The following MSANTD2 variants were observed in gnomAD, a reference collection of about 807,000 sequenced individuals.
MSANTD2 encodes Myb/SANT DNA binding domain containing 2, also known as myb/SANT-like DNA-binding domain-containing protein 2.
MSANTD2 carries 19 observed loss-of-function variants against 52.6 expected under a neutral mutation model. That is an observed-to-expected ratio of 0.36 (90% CI 0.25 to 0.53). The LOEUF (loss-of-function observed/expected upper bound fraction) is 0.53, where lower values mean the gene tolerates loss of function less well. Among genes scored for constraint, MSANTD2 ranks in the 20% least tolerant of loss-of-function variants. The pLI is 0.91. For synonymous variants in MSANTD2, 291 were observed against 289.7 expected, an observed-to-expected ratio of 1.00 and a Z score of -0.04; for missense variants, 558 against 716.3, an observed-to-expected ratio of 0.78 and a Z score of 2.52.
chr11:124,767,600 C>A lies in MSANTD2; in HGVS notation c.1256G>T (p.Ser419Ile). ...ATAGCCAATGGCATAAAGGCCTGGG[C>A]TTTTAGGAATACCCCCAGGCAATAA... is the stretch of plus-strand genomic sequence containing the variant. Reference protein sequence around the residue: ...QYLLPGGIPKSPGLYAIGYEE... With the variant: ...QYLLPGGIPKIPGLYAIGYEE... Residue 419 changes from serine (S) to isoleucine (I), a missense_variant, in exon 4 of 4, where the codon AGC (serine) becomes ATC (isoleucine). Ser to Ile is a moderately radical substitution (Grantham distance 142, BLOSUM62 -2). This residue lies in a region of MSANTD2 where 408 missense variants were observed against 573.6 expected (regional missense o/e 0.71). Transcript: ENST00000374979. The surrounding 1 kb of genome is among the most constrained non-coding windows in gnomAD (Gnocchi z 6.5). The A allele has an allele frequency of 6.2e-7, 1 of 1,614,152 alleles. No individual in the cohort carries two copies.
chr11:124,783,211 T>C (rs994314261), intron 1 of MSANTD2, among the ~76,000 whole-genome samples: 2 of 152,212 alleles, frequency 1.3e-5, no homozygotes, highest in African/African-American at 2.4e-5. Flanking sequence ...TGTCCAGGAC[T>C]GAATCCTATC....
At chr11:124,798,595 A>G (rs554142660) in intron 1 of MSANTD2, among the ~76,000 whole-genome samples, 2 of 152,284 alleles carry the variant, frequency 1.3e-5, no homozygotes, top group African/African-American at 4.8e-5. Flanking sequence ...TAGGTTTTAA[A>G]TATCTTAGTT....
In MSANTD2 at chr11:124,767,668, G is replaced by C; in HGVS notation, c.1188C>G (p.Pro396=). The change falls in exon 4 of 4, where the codon CCC becomes CCG. Residue 396 remains proline (P), a synonymous_variant. Transcript: ENST00000374979. This position sits in a 1 kb window ranked among gnomAD's most constrained non-coding sequence, Gnocchi z 6.5. ...LELHMEIDWI[P]IAHSKPTGGN... ...CACCAGTTGGTTTGGAGTGGGCAATGGGTATCCAGTCAATTTCCATGTGCA... is the reference window on the plus strand; with the variant it reads ...CACCAGTTGGTTTGGAGTGGGCAATCGGTATCCAGTCAATTTCCATGTGCA... 6.2e-7 allele frequency: 1 copy of C among 1,614,226 alleles called. No individual in the cohort carries two copies.
chr11:124,798,234 TAAAAAAA>T (rs10601418), intron 1 of MSANTD2, among the ~76,000 whole-genome samples: 24 of 110,504 alleles, frequency 2.2e-4, no homozygotes, highest in East Asian at 1.6e-3. Context: ...CCCTGTCTCT[TAAAAAAA>T]AAAAAAAAAA....
At position 124,784,410 on chromosome 11, in the gene MSANTD2, T is replaced by C. The variant is rs144854207; in HGVS notation, c.511-9436A>G. The C allele has an allele frequency of 2.0e-4, 195 of 985,388 alleles. No individual in the cohort carries two copies. In the African/African-American group the frequency reaches 3.2e-3, roughly 16 times the overall value. The allele number at this position is 985,388 out of a possible 1,614,324, so 61.0% of individuals were successfully genotyped here. On this transcript the variant is annotated intron_variant, in intron 1 of 3. Coordinates refer to ENST00000374979, the MANE Select transcript of MSANTD2 (RefSeq NM_001308027.2). ...CTGGCATAGCAGGGGAGAACCAGTC[T>C]TCGTTAAAGTACTCCCAAACACCCT... is the stretch of plus-strand genomic sequence containing the variant.
intron 1 of MSANTD2, among the ~76,000 whole-genome samples, chr11:124,785,834 T>C (rs1271431816): frequency 2.6e-5 from 4 of 151,308 alleles, no homozygotes; most frequent in Admixed American, 6.6e-5. Flanking sequence ...ACCCCTATTT[T>C]ACAGACAAGA....
intron 3 of MSANTD2, among the ~76,000 whole-genome samples, chr11:124,770,643 T>C (rs1944481272): frequency 6.6e-6 from 1 of 152,032 alleles, no homozygotes; most frequent in Admixed American, 6.5e-5. Flanking sequence ...TCTTACTCTG[T>C]TATCCAGGCT....
chr11:124,791,255 C>A, intron 1 of MSANTD2: 1 of 1,444,420 alleles, frequency 6.9e-7, no homozygotes, highest in African/African-American at 1.4e-5. Context: ...ACAAGCAAAC[C>A]TGGAGTATCC....
Position 124,766,884 on chromosome 11 carries a change from T to C in MSANTD2, c.*292A>G, listed in dbSNP as rs1944318366. The C allele has an allele frequency of 7.3e-6, 2 of 273,048 alleles. No individual in the cohort carries two copies. The highest frequency in any genetic ancestry group is 9.5e-5 in the Admixed American group (2 of 21,030). 16.9% of individuals were successfully genotyped at this position (273,048 alleles called of 1,614,324 possible). A position where few individuals can be genotyped will look rare whatever the true frequency, so the allele number is the denominator to read the frequency against. ...GGAATGTACCTACATTTGTTTATAT[T>C]AGGGCTCTAAAATCCATTTAAAAAT... On this transcript the variant is annotated 3_prime_UTR_variant, in exon 4 of 4. Transcript: ENST00000374979.
intron 1 of MSANTD2, chr11:124,791,509 G>A: frequency 1.8e-6 from 2 of 1,103,168 alleles, no homozygotes; most frequent in Non-Finnish European, 2.7e-6. Context: ...GGCAAGAGTT[G>A]GAGAAGGGAT....
At chr11:124,791,998 T>A (rs893431095) in intron 1 of MSANTD2, 2 of 171,354 alleles carry the variant, frequency 1.2e-5, no homozygotes, top group African/African-American at 4.8e-5. Flanking sequence ...TAGAAAATAC[T>A]ATGTGTTGGC....
intron 1 of MSANTD2, chr11:124,791,597 G>A (rs1321406309): frequency 8.2e-6 from 12 of 1,461,010 alleles, no homozygotes; most frequent in African/African-American, 5.6e-5. Flanking sequence ...GAGTAAGCCC[G>A]CTGCCCAATA....
At chr11:124,781,286 G>T (rs1944957573) in intron 1 of MSANTD2, among the ~76,000 whole-genome samples, 1 of 151,616 alleles carries the variant, frequency 6.6e-6, no homozygotes, top group South Asian at 2.1e-4. Context: ...TCTTTTTTCT[G>T]AAGTAATAAT....
At chr11:124,783,947 C>T in intron 1 of MSANTD2, 1 of 985,384 alleles carries the variant, frequency 1.0e-6, no homozygotes, top group Non-Finnish European at 1.2e-6. Context: ...TCACACCTAG[C>T]ATGCATGTTC....
chr11:124,798,816 T>C (rs1369570862), intron 1 of MSANTD2, among the ~76,000 whole-genome samples: 5 of 152,144 alleles, frequency 3.3e-5, no homozygotes, highest in African/African-American at 1.2e-4. Context: ...CCAGAAAAAG[T>C]GCCAGCTGTA....
At position 124,767,032 on chromosome 11, in the gene MSANTD2, T is replaced by A. The variant is rs1944325377; in HGVS notation, c.*144A>T. Reference sequence around the variant, plus strand: ...TTTTCTGGCCCAAGTCTACTATGATTCCTTAGAAGTCGTACTGGCCCAATT... The same window carrying A: ...TTTTCTGGCCCAAGTCTACTATGATACCTTAGAAGTCGTACTGGCCCAATT... On this transcript the variant is annotated 3_prime_UTR_variant, in exon 4 of 4. Transcript: ENST00000374979. This position sits in a 1 kb window ranked among gnomAD's most constrained non-coding sequence, Gnocchi z 6.5. The A allele has an allele frequency of 6.2e-6, 5 of 802,514 alleles. No homozygotes were observed. In the East Asian group the frequency reaches 1.3e-4, roughly 20 times the overall value. 49.7% of individuals were successfully genotyped at this position (802,514 alleles called of 1,614,324 possible).
rs547404321 is a variant in MSANTD2, at chr11:124,781,778, G to A, written c.511-6804C>T. ...AGTGATTCTCTTGCCTCAGCCTCCC[G>A]AGTAGCTGGGACTACAGGCACCCAC... is the stretch of plus-strand genomic sequence containing the variant. On this transcript the variant is annotated intron_variant, in intron 1 of 3. Transcript: ENST00000374979. 1.3e-3 allele frequency among the ~76,000 whole-genome samples: 198 copies of A among 151,096 alleles called. 4 individuals are homozygous for A. The highest frequency in any genetic ancestry group is 0.011 in the Admixed American group (170 of 15,124).
Position 124,799,957 on chromosome 11 carries a change from C to T in MSANTD2, c.424G>A (p.Gly142Arg). 1.9e-6 allele frequency: 3 copies of T among 1,585,136 alleles called. No homozygotes were observed. The highest frequency in any genetic ancestry group is 2.6e-6 in the Non-Finnish European group (3 of 1,174,530). The change falls in exon 1 of 4, where the codon GGG (glycine) becomes AGG (arginine). Residue 142 changes from glycine (G) to arginine (R), a missense_variant. By Grantham distance (125) the Gly-to-Arg change is moderately radical (BLOSUM62 -2). Transcript: ENST00000374979. ...AGTVFGSKAP[G>R]PAMYERVSRA... ...GACACGCGCTCGTACATGGCTGGCC[C>T]GGGGGCCTTGCTGCCGAACACCGTG...
At chr11:124,797,285 G>A (rs897798406) in intron 1 of MSANTD2, among the ~76,000 whole-genome samples, 2 of 152,132 alleles carry the variant, frequency 1.3e-5, no homozygotes, top group African/African-American at 4.8e-5. Context: ...AGGAGTTTGA[G>A]ACCAGTCTAG....
Sources: allele counts gnomAD v4.1 joint callset (sites outside exome capture counted in the v4.1 genomes callset), GRCh38; gene constraint gnomAD v4.1.1; regional missense constraint gnomAD v4.1.1; non-coding constraint Gnocchi (gnomAD v3.1); transcripts MANE v1.5; gene names NCBI Gene and HGNC (gene_info 2026-07-23, HGNC 2026-07-21).